ATP8B4: variants seen among roughly 807,000 people sequenced by gnomAD.
The protein encoded by ATP8B4 is probable phospholipid-transporting ATPase IM.
ATP8B4 carries 133 observed loss-of-function variants against 145.6 expected under a neutral mutation model. That is an observed-to-expected ratio of 0.91 (90% CI 0.79 to 1.05). The LOEUF is 1.05. Ranked by LOEUF, ATP8B4 falls within the 50% of genes least tolerant of loss-of-function variation. The pLI, the probability that ATP8B4 is intolerant of heterozygous loss-of-function variation, is 0.00. For missense variants in ATP8B4, 1,458 were observed against 1,425.2 expected (o/e 1.02, Z -0.37); for synonymous variants, 507 against 492.9 (o/e 1.03, Z -0.38).
chr15:49,929,146 A>C (rs546551374), intron 16 of ATP8B4, among the ~76,000 whole-genome samples: 64 of 152,238 alleles, frequency 4.2e-4, no homozygotes, highest in African/African-American at 1.4e-3. Context: ...TATGGAAAAA[A>C]GTGAGTGAGC....
intron 3 of ATP8B4, among the ~76,000 whole-genome samples, chr15:50,063,909 GA>G (rs1287930052): frequency 6.6e-6 from 1 of 152,056 alleles, no homozygotes; most frequent in Admixed American, 6.6e-5. Context: ...TAAAACAATG[GA>G]AAATAAAGCA....
At chr15:49,892,026 G>A (rs2036873971) in intron 23 of ATP8B4, among the ~76,000 whole-genome samples, 1 of 151,150 alleles carries the variant, frequency 6.6e-6, no homozygotes, top group Non-Finnish European at 1.5e-5. Flanking sequence ...TGAGGCAGGA[G>A]AATCGTGTGA....
chr15:50,137,521 C>T (rs187438111), intron 1 of ATP8B4, among the ~76,000 whole-genome samples: 4 of 152,324 alleles, frequency 2.6e-5, no homozygotes, highest in Admixed American at 2.6e-4. Context: ...CTACCAGCAG[C>T]ATTTTGCTTC....
chr15:50,142,632 G>A (rs544577018), intron 1 of ATP8B4, among the ~76,000 whole-genome samples: 51 of 152,312 alleles, frequency 3.3e-4, no homozygotes, highest in Non-Finnish European at 4.7e-4. Flanking sequence ...AGAAAGCAAC[G>A]AGGAATGATA....
At chr15:50,118,749 C>T (rs2057224485) in intron 1 of ATP8B4, among the ~76,000 whole-genome samples, 1 of 152,096 alleles carries the variant, frequency 6.6e-6, no homozygotes, top group Non-Finnish European at 1.5e-5. Flanking sequence ...TGAATAGGTG[C>T]ACTGTATACA....
upstream of ATP8B4, among the ~76,000 whole-genome samples, chr15:50,122,008 G>C (rs1429807179): frequency 5.9e-5 from 9 of 152,152 alleles, 1 homozygote; most frequent in Admixed American, 5.9e-4. Context: ...TCAAAACGAA[G>C]AGATGGAAAT....
intron 16 of ATP8B4, among the ~76,000 whole-genome samples, chr15:49,930,137 C>G (rs2041119461): frequency 6.6e-6 from 1 of 151,842 alleles, no homozygotes; most frequent in Non-Finnish European, 1.5e-5. Context: ...AGTGAGCAAG[C>G]AAGGAGGGAT....
At chr15:50,054,823 A>C (rs1023583903) in intron 3 of ATP8B4, among the ~76,000 whole-genome samples, 25 of 148,604 alleles carry the variant, frequency 1.7e-4, no homozygotes, top group African/African-American at 4.2e-4. Flanking sequence ...AAAAAAAAAA[A>C]CACCAACCTC....
At chr15:50,083,215 C>T (rs2054671374) in intron 2 of ATP8B4, among the ~76,000 whole-genome samples, 1 of 152,172 alleles carries the variant, frequency 6.6e-6, no homozygotes, top group South Asian at 2.1e-4. Flanking sequence ...CGTGTTTCCT[C>T]TCTCCTTGGA....
intron 3 of ATP8B4, among the ~76,000 whole-genome samples, chr15:50,062,550 G>C (rs1271804802): frequency 6.6e-6 from 1 of 151,904 alleles, no homozygotes; most frequent in African/African-American, 2.4e-5. Context: ...AACCCAATTG[G>C]AAAAAATACA....
intron 1 of ATP8B4, among the ~76,000 whole-genome samples, chr15:50,150,539 A>G (rs1042023298): frequency 1.3e-5 from 2 of 152,220 alleles, no homozygotes; most frequent in Non-Finnish European, 2.9e-5. Context: ...CACATTTGGA[A>G]GGAATGATTG....
intron 27 of ATP8B4, 108 bp downstream of exon 27, chr15:49,862,137 T>C: frequency 7.2e-7 from 1 of 1,382,780 alleles, no homozygotes; most frequent in African/African-American, 1.4e-5. Flanking sequence ...AGGTGTTTGC[T>C]TGTGACAATT....
intron 10 of ATP8B4, among the ~76,000 whole-genome samples, chr15:49,981,640 A>G (rs964446068): frequency 2.0e-5 from 3 of 152,212 alleles, no homozygotes; most frequent in African/African-American, 7.2e-5. Context: ...AATAATTTGG[A>G]AATATTAAAA....
chr15:49,988,381 AG>A (rs1251132093), intron 9 of ATP8B4, among the ~76,000 whole-genome samples: 14 of 152,176 alleles, frequency 9.2e-5, no homozygotes, highest in South Asian at 4.1e-4. Context: ...CACTGCAAAC[AG>A]GTAAGGTTAA....
intron 9 of ATP8B4, among the ~76,000 whole-genome samples, chr15:49,993,899 T>C (rs1427486824): frequency 6.6e-6 from 1 of 152,180 alleles, no homozygotes; most frequent in Non-Finnish European, 1.5e-5. Flanking sequence ...GTTGTCTTTA[T>C]TTGTGAAAAC....
intron 6 of ATP8B4, among the ~76,000 whole-genome samples, chr15:50,011,666 G>A (rs762644935): frequency 6.6e-5 from 10 of 152,162 alleles, no homozygotes; most frequent in Admixed American, 1.3e-4. Flanking sequence ...GTTAGTCAGG[G>A]CTGTCCAAAA....
At chr15:50,168,207 C>T (rs955462606) in intron 1 of ATP8B4, among the ~76,000 whole-genome samples, 1 of 152,104 alleles carries the variant, frequency 6.6e-6, no homozygotes, top group Non-Finnish European at 1.5e-5. Context: ...CTGGGAGCTC[C>T]CAACAGAGCA....
intron 4 of ATP8B4, 22 bp downstream of exon 4, chr15:50,047,329 A>C: frequency 7.2e-7 from 1 of 1,388,818 alleles, no homozygotes; most frequent in East Asian, 2.3e-5. Context: ...CAGATAATAG[A>C]GAAATACAAC....
At chr15:50,150,072 G>C (rs928887166) in intron 1 of ATP8B4, among the ~76,000 whole-genome samples, 7 of 151,798 alleles carry the variant, frequency 4.6e-5, no homozygotes, top group Admixed American at 4.6e-4. Flanking sequence ...CTGCACTCCA[G>C]TCTGGGTGAC....
Sources: allele counts gnomAD v4.1 joint callset (sites outside exome capture counted in the v4.1 genomes callset), GRCh38; gene constraint gnomAD v4.1.1; transcripts MANE v1.5; gene names NCBI Gene and HGNC (gene_info 2026-07-23, HGNC 2026-07-21).